Variants in FHIT observed in about 807,000 individuals in gnomAD.
FHIT encodes fragile histidine triad diadenosine triphosphatase, also known as bis(5'-adenosyl)-triphosphatase.
Under a neutral mutation model 17.9 loss-of-function variants are expected in FHIT, and 19 were observed. The observed-to-expected ratio is 1.06, with a 90% CI of 0.74 to 1.56. The LOEUF (loss-of-function observed/expected upper bound fraction) is 1.56, where lower values mean the gene tolerates loss of function less well. Ranked by LOEUF, FHIT falls within the 40% of genes most tolerant of loss-of-function variation. The probability of loss-of-function intolerance (pLI) is 0.00; values close to 1 mark genes in which losing one functional copy is unlikely to be tolerated. For missense variants in FHIT, 248 were observed against 189.2 expected, an observed-to-expected ratio of 1.31 and a Z score of -1.82; for synonymous variants, 81 against 69.7, an observed-to-expected ratio of 1.16 and a Z score of -0.81.
At chr3:61,005,370 T>C (rs951952406) in intron 3 of FHIT, among the ~76,000 whole-genome samples, 3 of 152,150 alleles carry the variant, frequency 2.0e-5, no homozygotes, top group African/African-American at 7.2e-5. Flanking sequence ...AGTCAGTAAC[T>C]GCTATATATG....
At chr3:60,364,157 A>T (rs1473849374) in intron 5 of FHIT, among the ~76,000 whole-genome samples, 2 of 152,212 alleles carry the variant, frequency 1.3e-5, no homozygotes, top group African/African-American at 4.8e-5. Context: ...ACTCTGATAC[A>T]GCCTTTCTAA....
At chr3:60,364,586 C>G (rs977235555) in intron 5 of FHIT, among the ~76,000 whole-genome samples, 3 of 152,194 alleles carry the variant, frequency 2.0e-5, no homozygotes, top group Non-Finnish European at 4.4e-5. Flanking sequence ...ATGTCACAGG[C>G]ATTCCATTGA....
chr3:60,515,369 T>C lies in FHIT; in HGVS notation c.103+21491A>G, dbSNP rs1489483325. On this transcript the variant is annotated intron_variant, in intron 5 of 9. Transcript: ENST00000492590. ...GGAAAATCTATACATTTACGGGACG[T>C]GAAATGCAAGAAATTGAGGGAATTC... Among the ~76,000 whole-genome samples the C allele has an allele frequency of 2.0e-5, 3 of 152,110 alleles. No homozygotes were observed. In the East Asian group the frequency reaches 5.8e-4, roughly 29 times the overall value.
chr3:60,612,281 G>C (rs2038809236), intron 4 of FHIT, among the ~76,000 whole-genome samples: 1 of 152,050 alleles, frequency 6.6e-6, no homozygotes, highest in African/African-American at 2.4e-5. Context: ...CAAATTGAGA[G>C]CCATCTAAAT....
chr3:60,591,990 T>C (rs1553664489), intron 4 of FHIT, among the ~76,000 whole-genome samples: 1 of 151,914 alleles, frequency 6.6e-6, no homozygotes, highest in East Asian at 1.9e-4. Flanking sequence ...GCTTCCAGTG[T>C]GTTTCAGAAT....
intron 8 of FHIT, among the ~76,000 whole-genome samples, chr3:59,806,559 C>T (rs1404259222): frequency 6.6e-6 from 1 of 151,976 alleles, no homozygotes; most frequent in African/African-American, 2.4e-5. Context: ...CTCTCTCCTA[C>T]CATCCACAGT....
intron 4 of FHIT, among the ~76,000 whole-genome samples, chr3:60,743,030 G>A (rs1427952711): frequency 6.6e-6 from 1 of 152,216 alleles, no homozygotes; most frequent in Non-Finnish European, 1.5e-5. Context: ...CGCTAGGAGA[G>A]TTCACCCTTG....
At chr3:59,959,269 T>G (rs1707552674) in intron 7 of FHIT, among the ~76,000 whole-genome samples, 1 of 152,188 alleles carries the variant, frequency 6.6e-6, no homozygotes, top group Admixed American at 6.5e-5. Context: ...TTGTCGGAGC[T>G]ACCCTTTAAA....
chr3:60,181,397 C>A (rs1434349461), intron 5 of FHIT, among the ~76,000 whole-genome samples: 1 of 152,090 alleles, frequency 6.6e-6, no homozygotes, highest in Admixed American at 6.6e-5. Flanking sequence ...CTGCCCACCT[C>A]GGCCTCCCAA....
intron 5 of FHIT, among the ~76,000 whole-genome samples, chr3:60,119,704 AAC>A (rs1309974197): frequency 1.3e-5 from 2 of 152,140 alleles, no homozygotes; most frequent in Non-Finnish European, 2.9e-5. Flanking sequence ...GTCAGCATCT[AAC>A]CACTCATTGA....
At chr3:59,878,155 G>A (rs1405764001) in intron 8 of FHIT, among the ~76,000 whole-genome samples, 2 of 152,042 alleles carry the variant, frequency 1.3e-5, no homozygotes, top group Admixed American at 1.3e-4. Context: ...AGGAATGACT[G>A]ATTGTACTTG....
At chr3:61,200,911 A>T (rs1240486995) in intron 1 of FHIT, among the ~76,000 whole-genome samples, 1 of 152,236 alleles carries the variant, frequency 6.6e-6, no homozygotes, top group African/African-American at 2.4e-5. Context: ...CTACAGTCAA[A>T]TCTTTTGGAG....
intron 4 of FHIT, among the ~76,000 whole-genome samples, chr3:60,559,748 AGC>A (rs2036867101): frequency 7.3e-6 from 1 of 136,418 alleles, no homozygotes; most frequent in South Asian, 2.6e-4. Flanking sequence ...GATGAGAAAA[AGC>A]ATGTCCCTCT....
chr3:61,076,896 T>C (rs2034989375), intron 2 of FHIT, among the ~76,000 whole-genome samples: 1 of 152,216 alleles, frequency 6.6e-6, no homozygotes, highest in African/African-American at 2.4e-5. Flanking sequence ...TCTTCATTCA[T>C]TTAATTAAAA....
intron 5 of FHIT, chr3:60,077,356 A>G (rs1559610854): frequency 6.6e-6 from 1 of 152,026 alleles, no homozygotes. Flanking sequence ...ATACCCCACT[A>G]TAAATTAGCA....
At chr3:60,673,270 G>A (rs1326039578) in intron 4 of FHIT, among the ~76,000 whole-genome samples, 2 of 152,024 alleles carry the variant, frequency 1.3e-5, no homozygotes, top group Admixed American at 1.3e-4. Flanking sequence ...TTATAATGCG[G>A]GTTGACTAGC....
chr3:60,500,349 A>C (rs983141625), intron 5 of FHIT, among the ~76,000 whole-genome samples: 1 of 152,314 alleles, frequency 6.6e-6, no homozygotes, highest in East Asian at 1.9e-4. Flanking sequence ...AATAAAATAA[A>C]GTACAGTCAT....
At chr3:60,205,235 G>C (rs565349129) in intron 5 of FHIT, among the ~76,000 whole-genome samples, 2 of 152,078 alleles carry the variant, frequency 1.3e-5, no homozygotes, top group Non-Finnish European at 2.9e-5. Flanking sequence ...TTATACAGTA[G>C]CCTTGAAGGG....
At chr3:60,071,586 T>C (rs185189098) in intron 5 of FHIT, among the ~76,000 whole-genome samples, 34 of 152,162 alleles carry the variant, frequency 2.2e-4, no homozygotes, top group African/African-American at 8.0e-4. Flanking sequence ...GTATAGCATC[T>C]CTGGAATAAG....
Sources: allele counts gnomAD v4.1 joint callset (sites outside exome capture counted in the v4.1 genomes callset), GRCh38; gene constraint gnomAD v4.1.1; transcripts MANE v1.5; gene names NCBI Gene and HGNC (gene_info 2026-07-23, HGNC 2026-07-21).